DCLK2: variants seen among roughly 807,000 people sequenced by gnomAD.
DCLK2 encodes doublecortin like kinase 2.
DCLK2 carries 31 observed loss-of-function variants against 78.4 expected under a neutral mutation model. The observed-to-expected ratio is 0.40, with a 90% CI of 0.30 to 0.53. The LOEUF (loss-of-function observed/expected upper bound fraction) is 0.53. Ranked by LOEUF, DCLK2 falls within the 20% of genes least tolerant of loss-of-function variation. The pLI is 0.61. For missense variants in DCLK2, 872 were observed against 973.7 expected (o/e 0.90, Z 1.39); for synonymous variants, 407 against 374.9 (o/e 1.09, Z -0.99).
intron 2 of DCLK2, among the ~76,000 whole-genome samples, chr4:150,108,591 G>T (rs1036229888): frequency 6.6e-6 from 1 of 151,678 alleles, no homozygotes; most frequent in Non-Finnish European, 1.5e-5. Flanking sequence ...AAACCTTCTT[G>T]CACTTTTAAG....
chr4:150,166,764 G>A (rs1736116319), intron 2 of DCLK2, among the ~76,000 whole-genome samples: 2 of 152,118 alleles, frequency 1.3e-5, no homozygotes, highest in Admixed American at 6.5e-5. Context: ...TGCAATCTTT[G>A]TGCACTGTCA....
intron 1 of DCLK2, among the ~76,000 whole-genome samples, chr4:150,093,272 A>C (rs991697044): frequency 6.6e-6 from 1 of 152,268 alleles, no homozygotes; most frequent in Non-Finnish European, 1.5e-5. Context: ...ATACACAAAT[A>C]CATGGATAGA....
At chr4:150,122,778 C>T (rs919843371) in intron 2 of DCLK2, among the ~76,000 whole-genome samples, 5 of 152,210 alleles carry the variant, frequency 3.3e-5, no homozygotes, top group African/African-American at 1.2e-4. Flanking sequence ...TTAATGTATA[C>T]ACCTTCATCA....
At chr4:150,103,230 C>A (rs1731009946) in intron 2 of DCLK2, among the ~76,000 whole-genome samples, 1 of 152,066 alleles carries the variant, frequency 6.6e-6, no homozygotes, top group Non-Finnish European at 1.5e-5. Flanking sequence ...TTAGAAAAAC[C>A]TTTTCTTCCC....
intron 2 of DCLK2, among the ~76,000 whole-genome samples, chr4:150,189,193 T>A (rs1033305719): frequency 2.6e-5 from 4 of 151,920 alleles, no homozygotes. Flanking sequence ...GCAATTTCCC[T>A]TTTTAAAAAA....
At chr4:150,154,966 A>G (rs1049772945) in intron 2 of DCLK2, among the ~76,000 whole-genome samples, 7 of 152,278 alleles carry the variant, frequency 4.6e-5, no homozygotes, top group South Asian at 2.1e-4. Flanking sequence ...GTGGTGGCTC[A>G]TGCTTGTAAA....
intron 4 of DCLK2, among the ~76,000 whole-genome samples, chr4:150,199,378 C>T (rs1000158901): frequency 1.3e-5 from 2 of 152,204 alleles, no homozygotes; most frequent in African/African-American, 4.8e-5. Context: ...CAATGTTCTG[C>T]TACTGAAAAA....
At chr4:150,136,372 C>T (rs72965567) in intron 2 of DCLK2, among the ~76,000 whole-genome samples, 3,099 of 152,270 alleles carry the variant, frequency 0.02, 94 homozygotes, top group African/African-American at 0.067. Context: ...GCCTGACCAT[C>T]ACTGTGATCT....
intron 10 of DCLK2, among the ~76,000 whole-genome samples, chr4:150,235,295 C>T (rs143926860): frequency 2.4e-4 from 36 of 152,306 alleles, no homozygotes; most frequent in African/African-American, 8.7e-4. Flanking sequence ...CTGACACCGC[C>T]TCCTTTTTTC....
intron 2 of DCLK2, among the ~76,000 whole-genome samples, chr4:150,181,884 C>G (rs973756499): frequency 6.6e-6 from 1 of 152,128 alleles, no homozygotes; most frequent in Non-Finnish European, 1.5e-5. Flanking sequence ...TATTTATGCT[C>G]ATTGTACTCT....
In DCLK2 at chr4:150,195,275, T is replaced by A. The variant is rs866693936; in HGVS notation, c.859+2035T>A. Among the ~76,000 whole-genome samples, 4 of 2,614 alleles carry A rather than the reference T, an allele frequency of 1.5e-3. 2 individuals carry two copies. Among genetic ancestry groups the A allele is most frequent in the East Asian group, 5.5e-3 (2 of 364 alleles). 1.7% of individuals were successfully genotyped at this position (2,614 alleles called of 152,430 possible). A position where few individuals can be genotyped will look rare whatever the true frequency, so the allele number is the denominator to read the frequency against. On this transcript the variant is annotated intron_variant, in intron 3 of 15. Transcript: ENST00000296550. ...ATATATTATATTATATATTATATATTATATTATATATTATATTATATATTA... is the reference window on the plus strand; with the variant it reads ...ATATATTATATTATATATTATATATAATATTATATATTATATTATATATTA...
At chr4:150,135,151 C>G (rs186157742) in intron 2 of DCLK2, among the ~76,000 whole-genome samples, 102 of 144,102 alleles carry the variant, frequency 7.1e-4, no homozygotes, top group Admixed American at 3.0e-3. Context: ...AAACACCTGC[C>G]TCTCATACAC....
At chr4:150,172,038 T>C (rs1291387828) in intron 2 of DCLK2, among the ~76,000 whole-genome samples, 1 of 152,224 alleles carries the variant, frequency 6.6e-6, no homozygotes, top group Non-Finnish European at 1.5e-5. Context: ...AAAGAGATTG[T>C]CAGTTTGTTC....
At chr4:150,245,957 C>G (rs577940783) in intron 12 of DCLK2, among the ~76,000 whole-genome samples, 1 of 152,060 alleles carries the variant, frequency 6.6e-6, no homozygotes, top group Non-Finnish European at 1.5e-5. Flanking sequence ...CACATGCACA[C>G]GTATGTTTAT....
intron 2 of DCLK2, among the ~76,000 whole-genome samples, chr4:150,107,318 T>C (rs887557868): frequency 5.3e-5 from 8 of 152,132 alleles, no homozygotes; most frequent in African/African-American, 9.7e-5. Flanking sequence ...TTCTTATCTA[T>C]TTATGTGATT....
rs754592543 is a variant in DCLK2, at chr4:150,203,781, T to C, written c.962-14T>C. ...TTAATGGGACTTCTGTCTTCTTTGT[T>C]GTCTCATGGGCAGTTAATGGAACTC... On this transcript the variant is annotated splice_polypyrimidine_tract_variant and intron_variant, in intron 4 of 15. Transcript: ENST00000296550. 31 of 1,605,768 alleles carry C rather than the reference T, an allele frequency of 1.9e-5. No homozygotes were observed. Among genetic ancestry groups the C allele is most frequent in the Non-Finnish European group, 2.6e-5 (30 of 1,172,620 alleles).
chr4:150,172,773 G>A (rs1257818312), intron 2 of DCLK2, among the ~76,000 whole-genome samples: 1 of 103,930 alleles, frequency 9.6e-6, no homozygotes, highest in Non-Finnish European at 1.9e-5. Context: ...GGGGGGGGGG[G>A]ATACCTTGCT....
chr4:150,177,066 CT>C (rs1218147432), intron 2 of DCLK2, among the ~76,000 whole-genome samples: 3 of 152,168 alleles, frequency 2.0e-5, no homozygotes, highest in Admixed American at 6.6e-5. Context: ...GGAGGGATTC[CT>C]TTTATGCATT....
At chr4:150,250,877 C>CA (rs1238900331) in intron 15 of DCLK2, among the ~76,000 whole-genome samples, 2 of 102,362 alleles carry the variant, frequency 2.0e-5, no homozygotes, top group East Asian at 6.0e-4. Context: ...CAACATCCCC[C>CA]ACACTCCCCA....
Sources: allele counts gnomAD v4.1 joint callset (sites outside exome capture counted in the v4.1 genomes callset), GRCh38; gene constraint gnomAD v4.1.1; transcripts MANE v1.5; gene names NCBI Gene and HGNC (gene_info 2026-07-23, HGNC 2026-07-21).